Variants in FOXP4 observed in about 807,000 individuals in gnomAD.
FOXP4 encodes forkhead box protein P4.
Under a neutral mutation model 82.6 loss-of-function variants are expected in FOXP4, and 25 were observed. The observed-to-expected ratio is 0.30, with a 90% CI of 0.22 to 0.42. FOXP4 has a LOEUF of 0.42. Ranked by LOEUF, FOXP4 falls within the 10% of genes least tolerant of loss-of-function variation. The pLI, the probability that FOXP4 is intolerant of heterozygous loss-of-function variation, is 1.00. For synonymous variants in FOXP4, 415 were observed against 388.2 expected (o/e 1.07, Z -0.81); for missense variants, 785 against 900.9 (o/e 0.87, Z 1.65).
rs374589044 is a variant in FOXP4 at position 41,558,488 on chromosome 6, T to TAA, written c.-16-7256_-16-7255insAA. Among the ~76,000 whole-genome samples the TAA allele has an allele frequency of 1.5e-3, 222 of 152,362 alleles. No individual in the cohort carries two copies. Among genetic ancestry groups the TAA allele is most frequent in the African/African-American group, 5.0e-3 (209 of 41,586 alleles). ...AACATCTTCCTCATGCAGTGTGTCT[T>TAA]ATTTGATACCACTGCAACCCTGGAA... On this transcript the variant is annotated intron_variant, in intron 1 of 16. Transcript: ENST00000307972. This position sits in a 1 kb window ranked among gnomAD's most constrained non-coding sequence, Gnocchi z 4.0.
chr6:41,582,828 T>G (rs1765876328), intron 3 of FOXP4, among the ~76,000 whole-genome samples: 2 of 152,074 alleles, frequency 1.3e-5, no homozygotes, highest in African/African-American at 4.8e-5. Context: ...ATCAGCCCCC[T>G]CAGCCTCCGG....
At chr6:41,584,557 AT>A (rs1177934245) in intron 3 of FOXP4, among the ~76,000 whole-genome samples, 1 of 152,228 alleles carries the variant, frequency 6.6e-6, no homozygotes, top group African/African-American at 2.4e-5. Flanking sequence ...GGTAGGTACT[AT>A]CACTGTTTTC....
chr6:41,581,067 G>T (rs1239278155), intron 3 of FOXP4, among the ~76,000 whole-genome samples: 1 of 152,202 alleles, frequency 6.6e-6, no homozygotes. Context: ...GGTGGCTGGG[G>T]CCTTGGCTTC....
rs768626914 is a variant in FOXP4 at position 41,597,792 on chromosome 6, C to T, written c.1737C>T (p.Ala579=). Reference sequence around the variant, plus strand: ...CTGTGCCCCTGCAGGCCGCCCTGGCCGAGAGCAGCTTCCCCCTCCTCAACA... The same window carrying T: ...CTGTGCCCCTGCAGGCCGCCCTGGCTGAGAGCAGCTTCCCCCTCCTCAACA... ...ALNASYQAAL[A]ESSFPLLNSP... Residue 579 remains alanine (A), a synonymous_variant, in exon 16 of 17, where the codon GCC becomes GCT. Transcript: ENST00000307972. 1.0e-5 allele frequency: 16 copies of T among 1,606,896 alleles called. No homozygotes were observed. In the Admixed American group the frequency reaches 1.0e-4, roughly 10 times the overall value.
At chr6:41,580,135 G>A (rs746568901) in intron 3 of FOXP4, among the ~76,000 whole-genome samples, 6 of 149,086 alleles carry the variant, frequency 4.0e-5, no homozygotes, top group Admixed American at 6.8e-5. Flanking sequence ...TCTGCCTCCC[G>A]GGTTCAAGCA....
At chr6:41,596,952 C>T (rs553020316) in intron 14 of FOXP4, among the ~76,000 whole-genome samples, 7 of 152,262 alleles carry the variant, frequency 4.6e-5, no homozygotes, top group Non-Finnish European at 8.8e-5. Flanking sequence ...AAGCCCATCG[C>T]ACCCACCTGT....
chr6:41,570,168 G>A (rs752000589), intron 2 of FOXP4: 228 of 390,994 alleles, frequency 5.8e-4, no homozygotes, highest in Non-Finnish European at 9.1e-4. Flanking sequence ...TTTCTCTTCA[G>A]GACTGCTGGC....
Position 41,591,446 on chromosome 6 carries a change from A to G in FOXP4, c.1536+124A>G. 1 of 832,710 alleles carries G rather than the reference A, an allele frequency of 1.2e-6. No individual in the cohort carries two copies. The highest frequency in any genetic ancestry group is 1.5e-5 in the South Asian group (1 of 64,602). The allele number at this position is 832,710 out of a possible 1,614,324, so 51.6% of individuals were successfully genotyped here. A position where few individuals can be genotyped will look rare whatever the true frequency, so the allele number is the denominator to read the frequency against. ...TTAGTCCTGCAGAAACAGCCACCCA[A>G]GGGCCCAGCCAGGGCTGCATGCCCA... is the stretch of plus-strand genomic sequence containing the variant. On this transcript the variant is annotated intron_variant, in intron 13 of 16. Coordinates refer to ENST00000307972, the MANE Select transcript of FOXP4 (RefSeq NM_001012426.2). This position sits in a 1 kb window ranked among gnomAD's most constrained non-coding sequence, Gnocchi z 4.2.
At chr6:41,594,172 C>G (rs1581788248) in intron 13 of FOXP4, among the ~76,000 whole-genome samples, 1 of 152,336 alleles carries the variant, frequency 6.6e-6, no homozygotes, top group East Asian at 1.9e-4. Context: ...GTTATCCTGC[C>G]AGGAGGAGGT....
chr6:41,565,769 G>A lies in FOXP4; in HGVS notation c.9G>A (p.Val3=), dbSNP rs1269563444. 6 of 1,602,138 alleles carry A rather than the reference G, an allele frequency of 3.7e-6. No individual in the cohort carries two copies. The Admixed American group carries it at 1.0e-4, about 27-fold the overall frequency. ...GGTACCGCTAGAGCGACATGATGGT[G>A]GAATCTGCCTCGGAGACAATCAGGT... The part of the protein sequence containing the change: MM[V]ESASETIRSA... The change falls in exon 2 of 17, where the codon GTG becomes GTA. Residue 3 remains valine (V), a synonymous_variant. Transcript: ENST00000307972.
In FOXP4 at chr6:41,591,572, G is replaced by C. The variant is rs1766514217; in HGVS notation, c.1536+250G>C. The stretch of plus-strand genomic sequence containing the variant: ...CTTTCTGGGAAGCAATCCTTCTCTA[G>C]GGTACACCCCCAAGGGCCCCAAAGA... On this transcript the variant is annotated intron_variant, in intron 13 of 16. Transcript: ENST00000307972. This position sits in a 1 kb window ranked among gnomAD's most constrained non-coding sequence, Gnocchi z 4.2. 6.6e-6 allele frequency among the ~76,000 whole-genome samples: 1 copy of C among 152,154 alleles called. No homozygotes were observed. Among genetic ancestry groups the C allele is most frequent in the African/African-American group, 2.4e-5 (1 of 41,422 alleles).
intron 3 of FOXP4, among the ~76,000 whole-genome samples, chr6:41,583,039 A>G (rs777052823): frequency 4.2e-4 from 64 of 151,958 alleles, no homozygotes; most frequent in Middle Eastern, 3.2e-3. Flanking sequence ...ACAACAACAA[A>G]GAACAAAAAA....
At position 41,548,806 on chromosome 6, in the gene FOXP4, G is replaced by A. The variant is rs578025083; in HGVS notation, c.-17+1939G>A. On this transcript the variant is annotated intron_variant, in intron 1 of 16. Transcript: ENST00000307972. ...CTGCCCGCCCCCGCGGAAAACCGCT[G>A]TGGGGAAGTCTGAAGGCCTTTTTTT... Among the ~76,000 whole-genome samples the A allele has an allele frequency of 1.6e-4, 24 of 150,006 alleles. 1 individual carries two copies. In the South Asian group the frequency reaches 4.9e-3, roughly 30 times the overall value.
At position 41,558,481 on chromosome 6, in the gene FOXP4, T is replaced by G. The variant is rs528380827; in HGVS notation, c.-16-7264T>G. On this transcript the variant is annotated intron_variant, in intron 1 of 16. Coordinates refer to ENST00000307972, the MANE Select transcript of FOXP4 (RefSeq NM_001012426.2). The surrounding 1 kb of genome is among the most constrained non-coding windows in gnomAD (Gnocchi z 4.0). ...TTCTCTAAACATCTTCCTCATGCAG[T>G]GTGTCTTATTTGATACCACTGCAAC... is the stretch of plus-strand genomic sequence containing the variant. 6.6e-6 allele frequency among the ~76,000 whole-genome samples: 1 copy of G among 152,290 alleles called. No individual in the cohort carries two copies. Among genetic ancestry groups the G allele is most frequent in the African/African-American group, 2.4e-5 (1 of 41,552 alleles).
chr6:41,547,250 C>T (rs1428974083), intron 1 of FOXP4, among the ~76,000 whole-genome samples: 1 of 152,034 alleles, frequency 6.6e-6, no homozygotes, highest in Non-Finnish European at 1.5e-5. Flanking sequence ...ATCTGGGCCC[C>T]GCCCCCTCCC....
At chr6:41,555,682 TAACC>T (rs1272908193) in intron 1 of FOXP4, among the ~76,000 whole-genome samples, 1 of 152,224 alleles carries the variant, frequency 6.6e-6, no homozygotes, top group Non-Finnish European at 1.5e-5. Context: ...CGTCTCTGAT[TAACC>T]AAACTTGGCA....
At chr6:41,557,255 A>G (rs2127324837) in intron 1 of FOXP4, among the ~76,000 whole-genome samples, 1 of 152,334 alleles carries the variant, frequency 6.6e-6, no homozygotes, top group South Asian at 2.1e-4. Context: ...TAAAGAGGTT[A>G]GGGCCCGAGA....
chr6:41,597,660 C>G (rs961925569), intron 15 of FOXP4, 121 bp from the exon 16 acceptor site: 58 of 1,286,886 alleles, frequency 4.5e-5, no homozygotes, highest in Non-Finnish European at 5.4e-5. Flanking sequence ...ACAGATCCGC[C>G]CGTGGGGCCA....
chr6:41,577,267 A>G (rs558613134), intron 2 of FOXP4, among the ~76,000 whole-genome samples: 1 of 152,252 alleles, frequency 6.6e-6, no homozygotes, highest in Non-Finnish European at 1.5e-5. Context: ...TCAGAACTTA[A>G]TCTAATTCCT....
Sources: gnomAD v4.1 joint callset for allele counts (sites outside exome capture counted in the v4.1 genomes callset) on GRCh38, gnomAD v4.1.1 for gene constraint, Gnocchi (gnomAD v3.1) non-coding constraint, MANE v1.5 for transcripts, NCBI Gene and HGNC (gene_info 2026-07-23, HGNC 2026-07-21) for gene names.